The following STARD13 variants were observed in gnomAD, a reference collection of about 807,000 sequenced individuals.
STARD13 encodes StAR related lipid transfer domain containing 13, also known as stAR-related lipid transfer protein 13.
In STARD13, 62 loss-of-function variants were observed where a neutral mutation model predicts 106.4. That is an observed-to-expected ratio of 0.58 (90% CI 0.48 to 0.72). STARD13 has a LOEUF of 0.72. STARD13 is among the 30% of genes least tolerant of loss of function. The pLI, the probability that STARD13 is intolerant of heterozygous loss-of-function variation, is 0.00. For missense variants in STARD13, 1,387 were observed against 1,424.0 expected, an observed-to-expected ratio of 0.97 and a Z score of 0.42; for synonymous variants, 565 against 553.0, an observed-to-expected ratio of 1.02 and a Z score of -0.31.
chr13:33,459,040 G>A, the STARD13 span, among the ~76,000 whole-genome samples: 1 of 151,890 alleles, frequency 6.6e-6, no homozygotes, highest in Admixed American at 6.6e-5. Flanking sequence ...CCTGTGCCCG[G>A]CCTATTATTA....
the STARD13 span, among the ~76,000 whole-genome samples, chr13:33,417,991 C>T: frequency 6.6e-6 from 1 of 152,188 alleles, no homozygotes; most frequent in African/African-American, 2.4e-5. Context: ...CGAATAGGAA[C>T]AGCTCCAGTG....
the STARD13 span, among the ~76,000 whole-genome samples, chr13:33,583,927 A>T: frequency 6.6e-6 from 1 of 151,834 alleles, no homozygotes; most frequent in African/African-American, 2.4e-5. Flanking sequence ...TTATGAGCAT[A>T]GATGTACAGA....
At chr13:33,385,728 T>C in the STARD13 span, among the ~76,000 whole-genome samples, 1 of 150,972 alleles carries the variant, frequency 6.6e-6, no homozygotes, top group Non-Finnish European at 1.5e-5. Flanking sequence ...GGCGTGGTGG[T>C]GCATGCCTGT....
chr13:33,596,565 A>T, the STARD13 span, among the ~76,000 whole-genome samples: 5 of 152,184 alleles, frequency 3.3e-5, no homozygotes, highest in Non-Finnish European at 5.9e-5. Context: ...GAACATTCCA[A>T]ATCTTCTGCC....
chr13:33,533,014 A>C, the STARD13 span, among the ~76,000 whole-genome samples: 2 of 152,178 alleles, frequency 1.3e-5, no homozygotes, highest in Non-Finnish European at 2.9e-5. Flanking sequence ...TCAGTCACCC[A>C]TGGCTAAATG....
chr13:33,588,678 G>A, the STARD13 span, among the ~76,000 whole-genome samples: 1 of 152,106 alleles, frequency 6.6e-6, no homozygotes, highest in South Asian at 2.1e-4. Flanking sequence ...AGAAGTAAGG[G>A]GCACATCGCA....
At chr13:33,449,109 C>A in the STARD13 span, among the ~76,000 whole-genome samples, 1 of 151,736 alleles carries the variant, frequency 6.6e-6, no homozygotes, top group African/African-American at 2.4e-5. Flanking sequence ...TGATGTAATC[C>A]CATTTGTCTA....
the STARD13 span, among the ~76,000 whole-genome samples, chr13:33,600,643 A>G: frequency 1.3e-5 from 2 of 152,210 alleles, no homozygotes; most frequent in Non-Finnish European, 2.9e-5. Context: ...ATTTTTTTCA[A>G]AGTAAAAAGT....
At chr13:33,578,770 C>T in the STARD13 span, among the ~76,000 whole-genome samples, 1 of 151,962 alleles carries the variant, frequency 6.6e-6, no homozygotes, top group African/African-American at 2.4e-5. Flanking sequence ...GACTTATATC[C>T]AGAATCTACA....
chr13:33,393,613 GATAAT>G, the STARD13 span, among the ~76,000 whole-genome samples: 4 of 152,114 alleles, frequency 2.6e-5, no homozygotes, highest in Non-Finnish European at 5.9e-5. Flanking sequence ...CTAATAAAAT[GATAAT>G]ATAATAATCA....
chr13:33,348,054 G>A (rs1269069848), downstream of STARD13, among the ~76,000 whole-genome samples: 2 of 152,214 alleles, frequency 1.3e-5, no homozygotes, highest in Non-Finnish European at 2.9e-5. Flanking sequence ...GCTTAGAGAA[G>A]GAGAAGTTGA....
the STARD13 span, among the ~76,000 whole-genome samples, chr13:33,477,962 G>A: frequency 0.22 from 33,269 of 151,256 alleles, 6,715 homozygotes; most frequent in African/African-American, 0.54. Flanking sequence ...GCATCCAGAC[G>A]GTAAGACTTC....
chr13:33,284,681 G>A (rs1468757226), intron 1 of STARD13, among the ~76,000 whole-genome samples: 5 of 151,622 alleles, frequency 3.3e-5, no homozygotes, highest in South Asian at 2.1e-4. Flanking sequence ...AGGAATGTTC[G>A]TCTTTCTGCT....
chr13:33,226,409 T>A (rs948117768), intron 1 of STARD13, among the ~76,000 whole-genome samples: 2 of 151,642 alleles, frequency 1.3e-5, no homozygotes, highest in East Asian at 3.9e-4. Flanking sequence ...GTTAGGATAC[T>A]TGAACAATAG....
intron 1 of STARD13, among the ~76,000 whole-genome samples, chr13:33,293,778 C>A (rs565785481): frequency 6.6e-6 from 1 of 152,198 alleles, no homozygotes; most frequent in Non-Finnish European, 1.5e-5. Flanking sequence ...GCCTCCCAGC[C>A]TACATCTTTC....
intron 1 of STARD13, among the ~76,000 whole-genome samples, chr13:33,177,933 AAGG>A (rs1292603206): frequency 3.9e-4 from 4 of 10,382 alleles, no homozygotes; most frequent in Non-Finnish European, 6.4e-4. Flanking sequence ...GGAAGGAAGG[AAGG>A]AAGGAAGGAA....
the STARD13 span, among the ~76,000 whole-genome samples, chr13:33,585,731 A>G: frequency 2.8e-4 from 43 of 152,358 alleles, no homozygotes; most frequent in African/African-American, 9.4e-4. Flanking sequence ...TATACATACA[A>G]TGGAATATTA....
At chr13:33,321,321 C>T (rs1312112688) in intron 1 of STARD13, among the ~76,000 whole-genome samples, 1 of 152,110 alleles carries the variant, frequency 6.6e-6, no homozygotes. Context: ...GCCTGACCAA[C>T]ATGGTGAAAC....
chr13:33,614,193 T>C, the STARD13 span, among the ~76,000 whole-genome samples: 2 of 151,974 alleles, frequency 1.3e-5, no homozygotes, highest in Non-Finnish European at 2.9e-5. Flanking sequence ...CCAGCTCAGC[T>C]TGAAAACCAG....
Sources: allele counts gnomAD v4.1 joint callset (sites outside exome capture counted in the v4.1 genomes callset), GRCh38; gene constraint gnomAD v4.1.1; transcripts MANE v1.5; gene names NCBI Gene and HGNC (gene_info 2026-07-23, HGNC 2026-07-21).